Variants in IYD observed in about 807,000 individuals in gnomAD.
The protein encoded by IYD is iodotyrosine deiodinase, also known as iodotyrosine deiodinase 1.
In IYD, 25 loss-of-function variants were observed where a neutral mutation model predicts 28.4. The ratio of observed to expected loss-of-function variants is 0.88; its 90% confidence interval spans 0.64 to 1.23. The LOEUF is 1.23. Ranked by LOEUF, IYD falls within the 50% of genes most tolerant of loss-of-function variation. The pLI, the probability that IYD is intolerant of heterozygous loss-of-function variation, is 0.00. For missense variants in IYD, 352 were observed against 357.9 expected, an observed-to-expected ratio of 0.98 and a Z score of 0.13; for synonymous variants, 140 against 130.8, an observed-to-expected ratio of 1.07 and a Z score of -0.48.
chr6:150,383,144 C>A lies in IYD; in HGVS notation c.179-6208C>A, dbSNP rs1397469739. Among the ~76,000 whole-genome samples, 8 of 152,176 alleles carry A rather than the reference C, an allele frequency of 5.3e-5. No individual in the cohort carries two copies. The East Asian group carries it at 1.5e-3, about 29-fold the overall frequency. On this transcript the variant is annotated intron_variant, in intron 1 of 4. Transcript: ENST00000344419. ...ACTAATACTCTGGGATGACTTTAACCTAAGGTCAAACCCTGTGGTTCCCTG... is the reference window on the plus strand; with the variant it reads ...ACTAATACTCTGGGATGACTTTAACATAAGGTCAAACCCTGTGGTTCCCTG...
At chr6:150,370,207 A>G (rs1273983762) in intron 1 of IYD, among the ~76,000 whole-genome samples, 2 of 146,302 alleles carry the variant, frequency 1.4e-5, no homozygotes, top group Admixed American at 6.7e-5. Context: ...ATGAATGTGC[A>G]TGTGTGTGTG....
Position 150,404,646 on chromosome 6 carries a change from G to A in IYD, c.*6409G>A, listed in dbSNP as rs1346800532. 1 of 152,170 alleles carries A rather than the reference G, an allele frequency of 6.6e-6. No homozygotes were observed. Among genetic ancestry groups the A allele is most frequent in the Non-Finnish European group, 1.5e-5 (1 of 68,024 alleles). 9.4% of individuals were successfully genotyped at this position (152,170 alleles called of 1,614,324 possible). A position where few individuals can be genotyped will look rare whatever the true frequency, so the allele number is the denominator to read the frequency against. Reference sequence around the variant, plus strand: ...TAACTAAGACTGATGCTTTAAGGGAGTTTGGCTTATTCAACTTGAGTTAAT... The same window carrying A: ...TAACTAAGACTGATGCTTTAAGGGAATTTGGCTTATTCAACTTGAGTTAAT... On this transcript the variant is annotated 3_prime_UTR_variant, in exon 5 of 5. Coordinates refer to ENST00000344419, the MANE Select transcript of IYD (RefSeq NM_203395.3).
At chr6:150,391,147 G>A (rs1250642737) in intron 2 of IYD, among the ~76,000 whole-genome samples, 1 of 151,070 alleles carries the variant, frequency 6.6e-6, no homozygotes, top group Non-Finnish European at 1.5e-5. Flanking sequence ...TGAGGCAGGA[G>A]AATCGCTTGA....
intron 1 of IYD, among the ~76,000 whole-genome samples, chr6:150,383,350 A>G (rs1777721879): frequency 6.6e-6 from 1 of 152,020 alleles, no homozygotes; most frequent in Admixed American, 6.6e-5. Flanking sequence ...TCTCAGATCA[A>G]CCTCACAGCT....
chr6:150,389,311 G>C (rs9397944), intron 1 of IYD, 41 bp from the exon 2 acceptor site: 2 of 1,525,594 alleles, frequency 1.3e-6, no homozygotes, highest in Non-Finnish European at 1.8e-6. Context: ...TTATGACCAA[G>C]GGATCATTTA....
intron 1 of IYD, among the ~76,000 whole-genome samples, chr6:150,372,348 T>G (rs1164128228): frequency 4.1e-5 from 4 of 98,384 alleles, no homozygotes; most frequent in Admixed American, 1.2e-4. Flanking sequence ...GAGGGAACAT[T>G]GTGTGTCCAT....
intron 4 of IYD, chr6:150,395,538 C>T: frequency 6.5e-7 from 1 of 1,537,316 alleles, no homozygotes; most frequent in South Asian, 1.2e-5. Context: ...GCGAAGCCTG[C>T]AGCAAGCTCA....
intron 4 of IYD, 23 bp from the exon 5 acceptor site, chr6:150,398,032 G>A (rs1204832553): frequency 6.2e-7 from 1 of 1,612,914 alleles, no homozygotes; most frequent in Non-Finnish European, 8.5e-7. Flanking sequence ...ACTTTAAAAT[G>A]CTTTCTTGTC....
At position 150,400,568 on chromosome 6, in the gene IYD, C is replaced by T. The variant is rs1371755779; in HGVS notation, c.*2331C>T. On this transcript the variant is annotated 3_prime_UTR_variant, in exon 5 of 5. Coordinates refer to ENST00000344419, the MANE Select transcript of IYD (RefSeq NM_203395.3). ...AGAAGTTAATGGCATGGTGGAATAA[C>T]CAAAATGTGTATCATTCTACAAAAA... 6.7e-6 allele frequency: 1 copy of T among 149,792 alleles called. No individual in the cohort carries two copies. The highest frequency in any genetic ancestry group is 1.5e-5 in the Non-Finnish European group (1 of 67,942). The allele number at this position is 149,792 out of a possible 1,614,324, so 9.3% of individuals were successfully genotyped here.
chr6:150,394,335 A>AT (rs957397191), intron 4 of IYD, 80 bp downstream of exon 4: 163 of 1,498,330 alleles, frequency 1.1e-4, no homozygotes, highest in Non-Finnish European at 1.2e-4. Context: ...ACATTTGGAA[A>AT]TTTTTTTTTA....
At chr6:150,370,697 A>C in intron 1 of IYD, 3 of 983,140 alleles carry the variant, frequency 3.1e-6, no homozygotes, top group Non-Finnish European at 3.6e-6. Flanking sequence ...GATGGCCTGG[A>C]TGGTGGGGGC....
chr6:150,370,374 C>A (rs1300674332), intron 1 of IYD: 3 of 442,508 alleles, frequency 6.8e-6, no homozygotes, highest in Non-Finnish European at 8.9e-6. Context: ...TGTGTGTGAG[C>A]ATGCATGAGT....
chr6:150,398,310 G>T lies in IYD; in HGVS notation c.*73G>T. ...CCTGAGCCTCTCGCCTGCTCCTCTT[G>T]GGTCTCTTGGCTGCTCTTTCTCCAG... On this transcript the variant is annotated 3_prime_UTR_variant, in exon 5 of 5. Transcript: ENST00000344419. The T allele has an allele frequency of 6.8e-7, 1 of 1,463,080 alleles. No homozygotes were observed. 90.6% of individuals were successfully genotyped at this position (1,463,080 alleles called of 1,614,324 possible).
chr6:150,391,048 C>T (rs1778099038), intron 2 of IYD, among the ~76,000 whole-genome samples: 1 of 152,036 alleles, frequency 6.6e-6, no homozygotes, highest in South Asian at 2.1e-4. Context: ...ACCATCCTGG[C>T]TAAAATGGTG....
intron 1 of IYD, among the ~76,000 whole-genome samples, chr6:150,373,713 G>A (rs1777351254): frequency 6.6e-6 from 1 of 152,160 alleles, no homozygotes; most frequent in African/African-American, 2.4e-5. Flanking sequence ...CAAAGAGTTG[G>A]CTTACCAGCC....
chr6:150,370,336 CGT>C (rs1328254498), intron 1 of IYD: 2 of 193,194 alleles, frequency 1.0e-5, no homozygotes, highest in Non-Finnish European at 1.7e-5. Context: ...GGTGAGTGTG[CGT>C]GTGAGTGTGC....
At chr6:150,392,839 A>T (rs1778174742) in intron 3 of IYD, among the ~76,000 whole-genome samples, 2 of 152,244 alleles carry the variant, frequency 1.3e-5, no homozygotes, top group African/African-American at 4.8e-5. Context: ...TGATTTTACT[A>T]AGCAGGTTTT....
In IYD at chr6:150,398,346, C is replaced by T; in HGVS notation, c.*109C>T. ...CTGCTCTTTCTCCAGGTGTCAGGTC[C>T]CCTCATTGCTCTTCTCAGGTGGCCA... is the stretch of plus-strand genomic sequence containing the variant. On this transcript the variant is annotated 3_prime_UTR_variant, in exon 5 of 5. Coordinates refer to ENST00000344419, the MANE Select transcript of IYD (RefSeq NM_203395.3). 1 of 1,054,292 alleles carries T rather than the reference C, an allele frequency of 9.5e-7. No homozygotes were observed. 65.3% of individuals were successfully genotyped at this position (1,054,292 alleles called of 1,614,324 possible).
At position 150,404,487 on chromosome 6, in the gene IYD, A is replaced by G. The variant is rs1351181615; in HGVS notation, c.*6250A>G. 2 of 152,248 alleles carry G rather than the reference A, an allele frequency of 1.3e-5. No homozygotes were observed. Among genetic ancestry groups the G allele is most frequent in the African/African-American group, 4.8e-5 (2 of 41,468 alleles). 9.4% of individuals were successfully genotyped at this position (152,248 alleles called of 1,614,324 possible). A position where few individuals can be genotyped will look rare whatever the true frequency, so the allele number is the denominator to read the frequency against. On this transcript the variant is annotated 3_prime_UTR_variant, in exon 5 of 5. Transcript: ENST00000344419. The stretch of plus-strand genomic sequence containing the variant: ...TTAGATTTACAAGAGATGCTTAAAT[A>G]TATGAGAATGTTTTGTCTTAATTGG...
Sources: allele counts gnomAD v4.1 joint callset (sites outside exome capture counted in the v4.1 genomes callset), GRCh38; gene constraint gnomAD v4.1.1; transcripts MANE v1.5; gene names NCBI Gene and HGNC (gene_info 2026-07-23, HGNC 2026-07-21).